PCDH11X: variants seen among roughly 807,000 people sequenced by gnomAD.
PCDH11X encodes protocadherin-11 X-linked.
In PCDH11X, 18 loss-of-function variants were observed where a neutral mutation model predicts 53.3. The ratio of observed to expected loss-of-function variants is 0.34; its 90% confidence interval spans 0.23 to 0.50. The LOEUF (loss-of-function observed/expected upper bound fraction) is 0.50. Among genes scored for constraint, PCDH11X ranks in the 20% least tolerant of loss-of-function variants. PCDH11X has a pLI of 0.98. For missense variants in PCDH11X, 570 were observed against 1,032.4 expected (o/e 0.55, Z 6.14); for synonymous variants, 279 against 393.3 (o/e 0.71, Z 3.44).
chrX:91,853,466 T>C (rs1283610167), intron 5 of PCDH11X, among the ~76,000 whole-genome samples: 4 of 109,125 alleles, frequency 3.7e-5, no homozygotes, highest in Non-Finnish European at 7.6e-5. Context: ...CATATGAGTA[T>C]ATTGGTATAT....
chrX:91,937,452 G>C (rs184216438), intron 6 of PCDH11X, among the ~76,000 whole-genome samples: 1 of 111,120 alleles, frequency 9.0e-6, no homozygotes, highest in Admixed American at 9.6e-5. Flanking sequence ...AAAATATAAA[G>C]TTCAAATAGA....
At chrX:91,952,137 T>C (rs894210928) in intron 6 of PCDH11X, among the ~76,000 whole-genome samples, 7 of 111,545 alleles carry the variant, frequency 6.3e-5, no homozygotes, top group African/African-American at 2.3e-4. Flanking sequence ...TAGCAAACTT[T>C]CGTGAATATC....
At chrX:92,256,085 G>A (rs2067574723) in intron 7 of PCDH11X, among the ~76,000 whole-genome samples, 1 of 112,311 alleles carries the variant, frequency 8.9e-6, no homozygotes, top group Non-Finnish European at 1.9e-5. Flanking sequence ...CAATCAGCGA[G>A]ACTCCGTGGG....
At chrX:92,479,210 G>A (rs2073451685) in intron 10 of PCDH11X, among the ~76,000 whole-genome samples, 1 of 108,408 alleles carries the variant, frequency 9.2e-6, no homozygotes, top group Middle Eastern at 4.3e-3. Context: ...CCATTTGTTT[G>A]TATATTTTTT....
intron 6 of PCDH11X, among the ~76,000 whole-genome samples, chrX:92,148,109 TC>T (rs2065347047): frequency 1.0e-4 from 2 of 19,967 alleles, no homozygotes; most frequent in African/African-American, 4.1e-4. Context: ...TTTCTTTCTT[TC>T]TTTCTTTCTT....
At position 92,330,179 on chromosome X, in the gene PCDH11X, G is replaced by T. The variant is rs755072002; in HGVS notation, c.3145-57556G>T. On this transcript the variant is annotated intron_variant, in intron 8 of 10. Transcript: ENST00000682573. ...TGAAAAGACAAACCACAAAGAAAGA[G>T]AAATATTTGAAAATCTCATATTTGC... Among the ~76,000 whole-genome samples, 247 of 109,602 alleles carry T rather than the reference G, an allele frequency of 2.3e-3. 1 individual carries two copies. The highest frequency in any genetic ancestry group is 4.0e-3 in the Non-Finnish European group (208 of 52,248).
At chrX:91,830,401 C>G (rs899445390) in intron 4 of PCDH11X, among the ~76,000 whole-genome samples, 1 of 111,254 alleles carries the variant, frequency 9.0e-6, no homozygotes, top group Non-Finnish European at 1.9e-5. Flanking sequence ...AATTACTGTG[C>G]CTTATTAAAT....
At chrX:92,166,845 C>T (rs1030801999) in intron 6 of PCDH11X, among the ~76,000 whole-genome samples, 1 of 111,495 alleles carries the variant, frequency 9.0e-6, no homozygotes, top group African/African-American at 3.3e-5. Context: ...CTGCAGTGAG[C>T]TATCACAATG....
chrX:91,783,179 C>T (rs936349761), intron 1 of PCDH11X, among the ~76,000 whole-genome samples: 1 of 111,712 alleles, frequency 9.0e-6, no homozygotes, highest in Non-Finnish European at 1.9e-5. Context: ...AAAAGCTTCC[C>T]TTTCATGACG....
chrX:91,992,672 A>C (rs1192883617), intron 6 of PCDH11X, among the ~76,000 whole-genome samples: 23 of 100,473 alleles, frequency 2.3e-4, no homozygotes, highest in Admixed American at 6.5e-4. Context: ...GGAGTTTCAA[A>C]AACTGCCATC....
At chrX:92,555,599 AAC>A (rs1421569414) in intron 10 of PCDH11X, among the ~76,000 whole-genome samples, 12 of 111,776 alleles carry the variant, frequency 1.1e-4, no homozygotes, top group Non-Finnish European at 1.7e-4. Context: ...ATCTTAAACT[AAC>A]ACATTCATGA....
At chrX:92,244,678 G>A (rs1203571617) in intron 7 of PCDH11X, among the ~76,000 whole-genome samples, 1 of 111,514 alleles carries the variant, frequency 9.0e-6, no homozygotes, top group Admixed American at 9.6e-5. Context: ...ATTGTCATTG[G>A]TGTTTTACAG....
chrX:91,805,334 A>G (rs1936063327), intron 1 of PCDH11X, among the ~76,000 whole-genome samples: 3 of 111,424 alleles, frequency 2.7e-5, no homozygotes, highest in East Asian at 5.7e-4. Flanking sequence ...CTTTTCATCT[A>G]GATATTGCAT....
intron 8 of PCDH11X, among the ~76,000 whole-genome samples, chrX:92,275,822 G>A (rs568297880): frequency 9.0e-6 from 1 of 110,979 alleles, no homozygotes; most frequent in Non-Finnish European, 1.9e-5. Flanking sequence ...TTGGTGTTGA[G>A]CGGGGTAAGG....
chrX:92,436,455 G>A (rs1419525724), intron 9 of PCDH11X, among the ~76,000 whole-genome samples: 3 of 111,655 alleles, frequency 2.7e-5, no homozygotes, highest in Admixed American at 1.9e-4. Flanking sequence ...ACTATTTAAC[G>A]CAGCAATCCC....
intron 10 of PCDH11X, among the ~76,000 whole-genome samples, chrX:92,568,873 A>C (rs1279528068): frequency 1.8e-5 from 2 of 111,288 alleles, no homozygotes; most frequent in Non-Finnish European, 3.8e-5. Context: ...TCAATTTCTA[A>C]ATTCCCAGTC....
intron 6 of PCDH11X, among the ~76,000 whole-genome samples, chrX:92,158,462 A>G (rs2065578391): frequency 1.8e-5 from 2 of 108,529 alleles, no homozygotes; most frequent in Non-Finnish European, 1.9e-5. Context: ...GTAAGTTTAG[A>G]TCATGCCACT....
At chrX:92,023,534 C>T (rs2062923450) in intron 6 of PCDH11X, among the ~76,000 whole-genome samples, 1 of 110,440 alleles carries the variant, frequency 9.1e-6, no homozygotes, top group East Asian at 2.9e-4. Context: ...AGCCTACCAA[C>T]CAAAAAAAAG....
At chrX:92,473,770 G>T (rs2073318656) in intron 10 of PCDH11X, among the ~76,000 whole-genome samples, 1 of 111,007 alleles carries the variant, frequency 9.0e-6, no homozygotes, top group Non-Finnish European at 1.9e-5. Context: ...AATTCCTCTT[G>T]TAATTAATTT....
Sources: allele counts gnomAD v4.1 joint callset (sites outside exome capture counted in the v4.1 genomes callset), GRCh38; gene constraint gnomAD v4.1.1; transcripts MANE v1.5; gene names NCBI Gene and HGNC (gene_info 2026-07-23, HGNC 2026-07-21).